MYOZ3: variants seen among roughly 807,000 people sequenced by gnomAD.
MYOZ3 encodes myozenin 3.
MYOZ3 carries 19 observed loss-of-function variants against 26.5 expected under a neutral mutation model. That is an observed-to-expected ratio of 0.72 (90% confidence interval 0.50 to 1.05). The LOEUF (loss-of-function observed/expected upper bound fraction) is 1.05, where lower values mean the gene tolerates loss of function less well. Ranked by LOEUF, MYOZ3 falls within the 50% of genes least tolerant of loss-of-function variation. MYOZ3 has a pLI of 0.00. For synonymous variants in MYOZ3, 135 were observed against 138.8 expected (o/e 0.97, Z 0.19); for missense variants, 322 against 337.1 (o/e 0.96, Z 0.35).
chr5:150,669,838 G>A (rs965061934), intron 2 of MYOZ3: 5 of 151,934 alleles, frequency 3.3e-5, no homozygotes, highest in South Asian at 2.1e-4. Context: ...GTAGAGATGG[G>A]TTTTTGCCAT....
chr5:150,674,402 C>A (rs913042256), intron 6 of MYOZ3, among the ~76,000 whole-genome samples: 7 of 152,226 alleles, frequency 4.6e-5, no homozygotes, highest in African/African-American at 1.4e-4. Flanking sequence ...GGGAGAAAGA[C>A]CAACTGAGGC....
intron 1 of MYOZ3, among the ~76,000 whole-genome samples, chr5:150,662,375 G>C (rs1758747792): frequency 6.6e-6 from 1 of 152,198 alleles, no homozygotes; most frequent in African/African-American, 2.4e-5. Flanking sequence ...CAGTAGCGGG[G>C]AGATGGGGAG....
At chr5:150,670,163 C>A (rs751427794) in intron 2 of MYOZ3, 1 of 195,936 alleles carries the variant, frequency 5.1e-6, no homozygotes, top group Non-Finnish European at 1.0e-5. Context: ...TAAAAAATAT[C>A]GAGAATCTGA....
intron 2 of MYOZ3, among the ~76,000 whole-genome samples, chr5:150,664,256 G>C (rs1205862873): frequency 6.6e-6 from 1 of 152,044 alleles, no homozygotes; most frequent in African/African-American, 2.4e-5. Flanking sequence ...TTGATGTCCA[G>C]TTTCTTCCCC....
chr5:150,676,420 T>C (rs1309599481), intron 6 of MYOZ3, among the ~76,000 whole-genome samples: 2 of 151,944 alleles, frequency 1.3e-5, no homozygotes, highest in Admixed American at 1.3e-4. Flanking sequence ...GGCACGTGCC[T>C]GTAATCCCAG....
rs750683611 is a variant in MYOZ3 at position 150,670,637 on chromosome 5, C to T, written c.215C>T (p.Ala72Val). 5.6e-6 allele frequency: 9 copies of T among 1,606,344 alleles called. No homozygotes were observed. Among genetic ancestry groups the T allele is most frequent in the Non-Finnish European group, 6.8e-6 (8 of 1,174,680 alleles). The change falls in exon 3 of 7, where the codon GCG becomes GTG. Residue 72 changes from alanine (A) to valine (V), a missense_variant and splice_region_variant. By Grantham distance (64) the Ala-to-Val change is moderately conservative (BLOSUM62 0). Coordinates refer to ENST00000517768, the MANE Select transcript of MYOZ3 (RefSeq NM_001122853.3). ...TTCGAGTTAGCAGCCAGCCAGCGGG[C>T]GGTGAGTAAGCCACCATTGTGCTCA... ...FTFELAASQR[A>V]MLAGSARRKV...
At chr5:150,660,930 TGAG>T (rs923987436), upstream of MYOZ3, 2 of 131,552 alleles carry the variant, frequency 1.5e-5, no homozygotes, top group Admixed American at 7.9e-5. Flanking sequence ...GCAAAGATAT[TGAG>T]GAGCAATTCA....
At chr5:150,675,861 T>C (rs961484361) in intron 6 of MYOZ3, among the ~76,000 whole-genome samples, 3 of 152,216 alleles carry the variant, frequency 2.0e-5, no homozygotes, top group African/African-American at 7.2e-5. Flanking sequence ...AGTTCACACA[T>C]TTCAGGTTAG....
chr5:150,673,992 A>T (rs959809634), intron 6 of MYOZ3, among the ~76,000 whole-genome samples: 2 of 152,196 alleles, frequency 1.3e-5, no homozygotes, highest in Non-Finnish European at 2.9e-5. Flanking sequence ...TAGGCCTGGA[A>T]AATCAGCACA....
intron 2 of MYOZ3, among the ~76,000 whole-genome samples, chr5:150,668,119 G>T (rs1237121961): frequency 6.6e-6 from 1 of 152,052 alleles, no homozygotes; most frequent in Non-Finnish European, 1.5e-5. Context: ...TCACTCACTT[G>T]TTTGAAAAAC....
intron 1 of MYOZ3, among the ~76,000 whole-genome samples, 162 bp from the exon 2 acceptor site, chr5:150,662,779 A>G (rs1053280567): frequency 3.3e-5 from 5 of 152,192 alleles, no homozygotes; most frequent in Non-Finnish European, 7.3e-5. Flanking sequence ...TCTCCTCTGC[A>G]CGGAGACCCT....
At chr5:150,666,053 G>T (rs78662479) in intron 2 of MYOZ3, among the ~76,000 whole-genome samples, 4 of 129,506 alleles carry the variant, frequency 3.1e-5, no homozygotes, top group Admixed American at 1.5e-4. Flanking sequence ...AAAAAAAAAA[G>T]AACAATATTG....
At position 150,677,911 on chromosome 5, in the gene MYOZ3, G is replaced by A. The variant is rs1759043329; in HGVS notation, c.*1036G>A. On this transcript the variant is annotated 3_prime_UTR_variant, in exon 7 of 7. Coordinates refer to ENST00000517768, the MANE Select transcript of MYOZ3 (RefSeq NM_001122853.3). ...CCTTGTGGGAGGCGTGAGAGTCCAT[G>A]AAGGGGGTGTGAGGGGGAGGGTATT... 7.7e-6 allele frequency: 1 copy of A among 129,166 alleles called. No individual in the cohort carries two copies. Among genetic ancestry groups the A allele is most frequent in the South Asian group, 2.1e-4 (1 of 4,674 alleles). 8.0% of individuals were successfully genotyped at this position (129,166 alleles called of 1,614,324 possible). A position where few individuals can be genotyped will look rare whatever the true frequency, so the allele number is the denominator to read the frequency against.
Position 150,671,740 on chromosome 5 carries a change from C to T in MYOZ3, c.271-15C>T. 1 of 1,613,250 alleles carries T rather than the reference C, an allele frequency of 6.2e-7. No homozygotes were observed. The highest frequency in any genetic ancestry group is 8.5e-7 in the Non-Finnish European group (1 of 1,179,932). On this transcript the variant is annotated splice_polypyrimidine_tract_variant and intron_variant, in intron 4 of 6. Transcript: ENST00000517768. ...AGGTCGTCGGTGGCCTCTGAGAACC[C>T]GCCCCTGTGCCCAGGTTGCCAATGC...
At chr5:150,670,745 C>A in intron 3 of MYOZ3, 107 bp downstream of exon 3, 1 of 1,088,150 alleles carries the variant, frequency 9.2e-7, no homozygotes, top group Non-Finnish European at 1.3e-6. Flanking sequence ...ATGTTCCCAT[C>A]AGATTAGGCT....
chr5:150,676,259 A>G (rs1426234209), intron 6 of MYOZ3, among the ~76,000 whole-genome samples: 1 of 152,138 alleles, frequency 6.6e-6, no homozygotes, highest in Admixed American at 6.6e-5. Flanking sequence ...TAAGATGTAC[A>G]GAATTGCTGG....
At chr5:150,668,142 C>T (rs1463013158) in intron 2 of MYOZ3, among the ~76,000 whole-genome samples, 1 of 152,198 alleles carries the variant, frequency 6.6e-6, no homozygotes, top group Non-Finnish European at 1.5e-5. Context: ...GGCCAGTTGT[C>T]CTGTAGAATG....
chr5:150,673,089 G>A (rs1758949479), intron 6 of MYOZ3: 1 of 152,956 alleles, frequency 6.5e-6, no homozygotes, highest in Non-Finnish European at 1.5e-5. Context: ...CAGAGTGAGG[G>A]CCACAGCGCA....
chr5:150,671,763 TGCCAATGGCCCTGAGGGGCCGAA>T lies in MYOZ3; in HGVS notation c.280_302del (p.Ala94LeufsTer143). 1 of 1,613,314 alleles carries T rather than the reference TGCCAATGGCCCTGAGGGGCCGAA, an allele frequency of 6.2e-7. No homozygotes were observed. Among genetic ancestry groups the T allele is most frequent in the Non-Finnish European group, 8.5e-7 (1 of 1,179,934 alleles). On this transcript the variant is annotated frameshift_variant, in exon 5 of 7. Coordinates refer to ENST00000517768, the MANE Select transcript of MYOZ3 (RefSeq NM_001122853.3). LOFTEE classifies it high-confidence loss of function. Reference sequence around the variant, plus strand: ...CCCGCCCCTGTGCCCAGGTTGCCAATGCCAATGGCCCTGAGGGGCCGAACTACCGCTCGGAGCTCCACATCTTC... The same window carrying T: ...CCCGCCCCTGTGCCCAGGTTGCCAATCTACCGCTCGGAGCTCCACATCTTC...
Sources: gnomAD v4.1 joint callset for allele counts (sites outside exome capture counted in the v4.1 genomes callset) on GRCh38, gnomAD v4.1.1 for gene constraint, MANE v1.5 for transcripts, NCBI Gene and HGNC (gene_info 2026-07-23, HGNC 2026-07-21) for gene names.